The following TSNARE1 variants were observed in gnomAD, a reference collection of about 807,000 sequenced individuals.
TSNARE1 encodes t-SNARE domain-containing protein 1.
A neutral mutation model predicts 62.0 loss-of-function variants in TSNARE1; 49 were observed. That is an observed-to-expected ratio of 0.79 (90% CI 0.63 to 1.00). The LOEUF is 1.00. TSNARE1 is among the 50% of genes least tolerant of loss of function. The pLI, the probability that TSNARE1 is intolerant of heterozygous loss-of-function variation, is 0.00. For missense variants in TSNARE1, 755 were observed against 700.1 expected, an observed-to-expected ratio of 1.08 and a Z score of -0.88; for synonymous variants, 328 against 294.4, an observed-to-expected ratio of 1.11 and a Z score of -1.17.
chr8:142,389,803 T>A (rs1243173071), intron 1 of TSNARE1, among the ~76,000 whole-genome samples: 1 of 152,384 alleles, frequency 6.6e-6, no homozygotes, highest in Non-Finnish European at 1.5e-5. Flanking sequence ...GAATGTATAA[T>A]GAAGCTCTGG....
At chr8:142,225,938 C>T (rs1816750652) in intron 13 of TSNARE1, among the ~76,000 whole-genome samples, 2 of 152,136 alleles carry the variant, frequency 1.3e-5, no homozygotes, top group Admixed American at 1.3e-4. Context: ...TCTGGTGGTG[C>T]CAGGTGTTTC....
At chr8:142,238,606 C>T (rs1817547009) in intron 12 of TSNARE1, among the ~76,000 whole-genome samples, 1 of 151,986 alleles carries the variant, frequency 6.6e-6, no homozygotes, top group South Asian at 2.1e-4. Context: ...CCCCTCCACG[C>T]CATTCTCCAG....
chr8:142,333,749 C>T (rs1390170291), intron 4 of TSNARE1, among the ~76,000 whole-genome samples: 2 of 152,232 alleles, frequency 1.3e-5, no homozygotes, highest in African/African-American at 4.8e-5. Context: ...TGCACACTTT[C>T]CGTCCAGCTA....
chr8:142,217,075 C>T (rs1442930241), intron 13 of TSNARE1, among the ~76,000 whole-genome samples: 4 of 151,824 alleles, frequency 2.6e-5, no homozygotes, highest in African/African-American at 4.8e-5. Flanking sequence ...AACCTTGACT[C>T]TACTAAAAAT....
intron 12 of TSNARE1, among the ~76,000 whole-genome samples, chr8:142,233,811 G>A (rs1244561894): frequency 1.3e-5 from 2 of 152,172 alleles, no homozygotes; most frequent in African/African-American, 4.8e-5. Flanking sequence ...ACCACCTCCA[G>A]GATGCCTTCC....
At chr8:142,235,050 G>A (rs919827198) in intron 12 of TSNARE1, among the ~76,000 whole-genome samples, 1 of 152,168 alleles carries the variant, frequency 6.6e-6, no homozygotes, top group Non-Finnish European at 1.5e-5. Context: ...AACGGAGCAG[G>A]AGAAAACAGC....
At chr8:142,307,020 G>C (rs1198859201) in intron 9 of TSNARE1, among the ~76,000 whole-genome samples, 1 of 152,218 alleles carries the variant, frequency 6.6e-6, no homozygotes, top group East Asian at 1.9e-4. Flanking sequence ...GTCCACCAGT[G>C]GGGCCTGGTT....
chr8:142,372,689 G>A (rs114703523), intron 1 of TSNARE1, among the ~76,000 whole-genome samples: 5 of 152,150 alleles, frequency 3.3e-5, no homozygotes, highest in South Asian at 2.1e-4. Context: ...GCTCACATAC[G>A]CAGAAGGACC....
chr8:142,345,922 C>T, intron 2 of TSNARE1, 30 bp from the exon 3 acceptor site: 1 of 1,601,794 alleles, frequency 6.2e-7, no homozygotes, highest in Non-Finnish European at 8.5e-7. Flanking sequence ...GTCACGATTA[C>T]TCTCAGCTCA....
rs376540782 is a variant in TSNARE1 at position 142,219,601 on chromosome 8, G to A, written c.*12-7288C>T. The stretch of plus-strand genomic sequence containing the variant: ...TGACCGACACGTGGCCCTGCTACTG[G>A]AAAGGTCGCAGCTGCCCACAGTTAA... On this transcript the variant is annotated intron_variant, in intron 13 of 13. Coordinates refer to ENST00000524325, the MANE Select transcript of TSNARE1 (RefSeq NM_145003.5). 3.9e-5 allele frequency among the ~76,000 whole-genome samples: 6 copies of A among 152,312 alleles called. No individual in the cohort carries two copies. In the East Asian group the frequency reaches 7.7e-4, roughly 20 times the overall value.
chr8:142,370,575 A>G (rs1378250823), intron 1 of TSNARE1, among the ~76,000 whole-genome samples: 5 of 152,136 alleles, frequency 3.3e-5, no homozygotes, highest in African/African-American at 1.2e-4. Context: ...CTCAAAAACA[A>G]CAGCAACAAC....
At chr8:142,403,462 G>C (rs1369202753), upstream of TSNARE1, among the ~76,000 whole-genome samples, 5 of 152,160 alleles carry the variant, frequency 3.3e-5, no homozygotes, top group South Asian at 2.1e-4. Context: ...GCCCGGCGCT[G>C]AGGCGCTTCG....
At chr8:142,280,385 GGGTCACA>G (rs1821220786) in intron 11 of TSNARE1, 1 of 952,010 alleles carries the variant, frequency 1.1e-6, no homozygotes, top group Non-Finnish European at 1.3e-6. Flanking sequence ...GCCAGGTTCG[GGGTCACA>G]GGTCATCACA....
chr8:142,254,691 C>T (rs1049793103), intron 12 of TSNARE1, among the ~76,000 whole-genome samples: 2 of 152,214 alleles, frequency 1.3e-5, no homozygotes, highest in African/African-American at 2.4e-5. Context: ...GGCCTGGACT[C>T]GAACCCTGGC....
intron 1 of TSNARE1, among the ~76,000 whole-genome samples, chr8:142,397,311 A>G (rs1837962227): frequency 6.6e-6 from 1 of 152,166 alleles, no homozygotes; most frequent in Admixed American, 6.5e-5. Context: ...GACCTTCCAC[A>G]GCCCCTCTGT....
chr8:142,314,939 C>A, intron 8 of TSNARE1, 64 bp downstream of exon 8: 1 of 1,493,300 alleles, frequency 6.7e-7, no homozygotes, highest in Non-Finnish European at 9.3e-7. Flanking sequence ...CATGACAGTG[C>A]TCCGGGAACC....
intron 9 of TSNARE1, among the ~76,000 whole-genome samples, chr8:142,303,858 G>A (rs1055485109): frequency 2.0e-5 from 3 of 152,296 alleles, no homozygotes; most frequent in Admixed American, 6.5e-5. Context: ...GAGACAACAG[G>A]ACCAACAGCC....
chr8:142,325,058 C>A (rs1410281567), intron 6 of TSNARE1, among the ~76,000 whole-genome samples: 2 of 152,236 alleles, frequency 1.3e-5, no homozygotes, highest in Non-Finnish European at 2.9e-5. Context: ...AGGTGATGCC[C>A]AAGTCAACAC....
chr8:142,288,659 GCAGA>G (rs1248586769), intron 10 of TSNARE1, among the ~76,000 whole-genome samples: 1 of 152,274 alleles, frequency 6.6e-6, no homozygotes, highest in Non-Finnish European at 1.5e-5. Flanking sequence ...TGTCAGGCCC[GCAGA>G]CAGAGGAGCT....
Sources: gnomAD v4.1 joint callset for allele counts (sites outside exome capture counted in the v4.1 genomes callset) on GRCh38, gnomAD v4.1.1 for gene constraint, MANE v1.5 for transcripts, NCBI Gene and HGNC (gene_info 2026-07-23, HGNC 2026-07-21) for gene names.